The following CPEB3 variants were observed in gnomAD, a reference collection of about 807,000 sequenced individuals.
CPEB3 encodes the protein cytoplasmic polyadenylation element binding protein 3.
CPEB3 carries 20 observed loss-of-function variants against 67.2 expected under a neutral mutation model. The observed-to-expected ratio is 0.30, with a 90% CI of 0.21 to 0.43. The LOEUF (loss-of-function observed/expected upper bound fraction) is 0.43, where lower values mean the gene tolerates loss of function less well. Among genes scored for constraint, CPEB3 ranks in the 20% least tolerant of loss-of-function variants. The probability of loss-of-function intolerance (pLI) is 1.00; values close to 1 mark genes in which losing one functional copy is unlikely to be tolerated. For missense variants in CPEB3, 746 were observed against 968.6 expected (o/e 0.77, Z 3.05); for synonymous variants, 376 against 393.1 (o/e 0.96, Z 0.51).
At chr10:92,287,465 T>C (rs1368308459) in intron 1 of CPEB3, among the ~76,000 whole-genome samples, 2 of 152,200 alleles carry the variant, frequency 1.3e-5, no homozygotes, top group African/African-American at 2.4e-5. Flanking sequence ...ACAAACAATA[T>C]TGAAATTCAC....
At chr10:92,249,084 TTA>T (rs77638471) in intron 1 of CPEB3, among the ~76,000 whole-genome samples, 28,573 of 152,042 alleles carry the variant, frequency 0.19, 3,341 homozygotes, top group East Asian at 0.4. Context: ...TTTTATAAAA[TTA>T]TAGCACATAA....
chr10:92,224,236 T>C (rs887838982), intron 2 of CPEB3, among the ~76,000 whole-genome samples: 1 of 152,166 alleles, frequency 6.6e-6, no homozygotes, highest in Non-Finnish European at 1.5e-5. Flanking sequence ...TTAATCACTT[T>C]AGGTTCTCCC....
intron 1 of CPEB3, among the ~76,000 whole-genome samples, chr10:92,286,409 A>C (rs1159441474): frequency 6.6e-6 from 1 of 150,512 alleles, no homozygotes; most frequent in Non-Finnish European, 1.5e-5. Flanking sequence ...ACATGGAGAA[A>C]CCTCATCTCT....
At chr10:92,157,983 T>A (rs932262182) in intron 4 of CPEB3, among the ~76,000 whole-genome samples, 3 of 151,448 alleles carry the variant, frequency 2.0e-5, no homozygotes, top group Non-Finnish European at 4.4e-5. Flanking sequence ...CACACACACA[T>A]AAACACACTC....
chr10:92,053,248 A>G (rs879817491), intron 9 of CPEB3, among the ~76,000 whole-genome samples: 5 of 152,200 alleles, frequency 3.3e-5, no homozygotes, highest in Non-Finnish European at 7.3e-5. Context: ...TTTTAAATCT[A>G]AACGAAGCAA....
At chr10:92,129,578 G>T (rs1177137326) in intron 6 of CPEB3, among the ~76,000 whole-genome samples, 1 of 152,016 alleles carries the variant, frequency 6.6e-6, no homozygotes, top group Non-Finnish European at 1.5e-5. Flanking sequence ...AGATTGCTTT[G>T]TTCTGGTTCT....
chr10:92,136,459 AATAT>A (rs1309285815), intron 6 of CPEB3, among the ~76,000 whole-genome samples: 2 of 152,214 alleles, frequency 1.3e-5, no homozygotes, highest in African/African-American at 4.8e-5. Flanking sequence ...GATTAATAAC[AATAT>A]ATAAAGAGCT....
At chr10:92,180,825 T>A (rs1848425960) in intron 4 of CPEB3, 138 bp downstream of exon 4, 1 of 601,666 alleles carries the variant, frequency 1.7e-6, no homozygotes, top group Non-Finnish European at 3.0e-6. Context: ...GACCACACTT[T>A]GAGAACCACT....
intron 4 of CPEB3, among the ~76,000 whole-genome samples, chr10:92,163,966 A>C (rs1847618251): frequency 6.6e-6 from 1 of 152,188 alleles, no homozygotes; most frequent in South Asian, 2.1e-4. Context: ...TTTTACTCTT[A>C]CACATTCTTC....
At chr10:92,053,061 C>T (rs1841961293) in intron 9 of CPEB3, among the ~76,000 whole-genome samples, 1 of 152,182 alleles carries the variant, frequency 6.6e-6, no homozygotes, top group Admixed American at 6.5e-5. Context: ...GACTAACACC[C>T]CAACATTGCA....
At chr10:92,129,023 A>G (rs139070629) in intron 6 of CPEB3, among the ~76,000 whole-genome samples, 3 of 152,364 alleles carry the variant, frequency 2.0e-5, no homozygotes, top group East Asian at 3.9e-4. Context: ...TCGTTCTATC[A>G]TAAAGACACA....
At chr10:92,057,570 T>A (rs1233101462) in intron 9 of CPEB3, among the ~76,000 whole-genome samples, 1 of 152,232 alleles carries the variant, frequency 6.6e-6, no homozygotes, top group East Asian at 1.9e-4. Context: ...CTTTGCCACC[T>A]GCTGATAGTA....
intron 4 of CPEB3, among the ~76,000 whole-genome samples, chr10:92,150,137 C>G (rs190062246): frequency 1.3e-5 from 2 of 152,064 alleles, no homozygotes; most frequent in African/African-American, 2.4e-5. Context: ...CAGCGCAGAC[C>G]GACAGGCGAT....
At chr10:92,130,765 C>T (rs1002155571) in intron 6 of CPEB3, among the ~76,000 whole-genome samples, 10 of 151,792 alleles carry the variant, frequency 6.6e-5, no homozygotes, top group Non-Finnish European at 1.3e-4. Context: ...AAATCTGCAC[C>T]AAGGTAAACT....
At chr10:92,112,920 G>T (rs1403760122) in intron 6 of CPEB3, among the ~76,000 whole-genome samples, 2 of 152,166 alleles carry the variant, frequency 1.3e-5, no homozygotes, top group African/African-American at 2.4e-5. Flanking sequence ...TAATCAACTG[G>T]CTAAGAAGCA....
chr10:92,222,194 C>CTT (rs748320816), intron 2 of CPEB3, among the ~76,000 whole-genome samples: 2 of 139,980 alleles, frequency 1.4e-5, no homozygotes. Context: ...CTCCAAACCT[C>CTT]TTTTTTTTTT....
chr10:92,167,573 C>A (rs1847803855), intron 4 of CPEB3, among the ~76,000 whole-genome samples: 1 of 152,096 alleles, frequency 6.6e-6, no homozygotes, highest in African/African-American at 2.4e-5. Flanking sequence ...AAGTTTGTAT[C>A]TCCTACAAGT....
rs58877359 is a variant in CPEB3 at position 92,084,164 on chromosome 10, C to CAAA, written c.1688-2666_1688-2664dup. The stretch of plus-strand genomic sequence containing the variant: ...CAGGCGAAAGAGCAAGACTCTGTCT[C>CAAA]AAAAAAAAAAAAAAAAAAAAATCTT... On this transcript the variant is annotated intron_variant, in intron 8 of 9. Transcript: ENST00000265997. 5.3e-3 allele frequency among the ~76,000 whole-genome samples: 498 copies of CAAA among 93,944 alleles called. 12 individuals are homozygous for CAAA. Among genetic ancestry groups the CAAA allele is most frequent in the African/African-American group, 0.018 (459 of 25,196 alleles). The allele number at this position is 93,944 out of a possible 152,430, so 61.6% of individuals were successfully genotyped here.
intron 3 of CPEB3, among the ~76,000 whole-genome samples, chr10:92,181,955 G>A (rs1848480502): frequency 6.6e-6 from 1 of 151,984 alleles, no homozygotes; most frequent in Non-Finnish European, 1.5e-5. Context: ...TTGGGACAAG[G>A]AGGTAGATGT....
Sources: allele counts gnomAD v4.1 joint callset (sites outside exome capture counted in the v4.1 genomes callset), GRCh38; gene constraint gnomAD v4.1.1; transcripts MANE v1.5; gene names NCBI Gene and HGNC (gene_info 2026-07-23, HGNC 2026-07-21).